Variants in MEGF11 observed in about 807,000 individuals in gnomAD.
The protein encoded by MEGF11 is multiple epidermal growth factor-like domains protein 11.
A neutral mutation model predicts 146.6 loss-of-function variants in MEGF11; 126 were observed. The observed-to-expected ratio is 0.86, with a 90% CI of 0.74 to 1.00. The LOEUF (loss-of-function observed/expected upper bound fraction) is 1.00, where lower values mean the gene tolerates loss of function less well. Ranked by LOEUF, MEGF11 falls within the 50% of genes least tolerant of loss-of-function variation. The pLI is 0.00. For missense variants in MEGF11, 1,509 were observed against 1,521.2 expected, an observed-to-expected ratio of 0.99 and a Z score of 0.13; for synonymous variants, 532 against 583.4, an observed-to-expected ratio of 0.91 and a Z score of 1.27.
intron 1 of MEGF11, among the ~76,000 whole-genome samples, chr15:66,251,420 A>G (rs888968702): frequency 3.9e-5 from 6 of 152,094 alleles, no homozygotes; most frequent in South Asian, 2.1e-4. Context: ...CTCTTTCCCT[A>G]TGGGTTGCAC....
intron 1 of MEGF11, among the ~76,000 whole-genome samples, chr15:66,136,904 A>G (rs2088912807): frequency 6.6e-6 from 1 of 152,186 alleles, no homozygotes; most frequent in Admixed American, 6.5e-5. Flanking sequence ...ATGGTGGTCT[A>G]TGCATGTAGT....
At chr15:65,944,177 T>C (rs2080107609) in intron 10 of MEGF11, among the ~76,000 whole-genome samples, 1 of 151,632 alleles carries the variant, frequency 6.6e-6, no homozygotes, top group Admixed American at 6.6e-5. Context: ...GGGAATAGAG[T>C]AGGCACACAG....
Position 66,128,413 on chromosome 15 carries a change from T to C in MEGF11, c.-8-2A>G. 2 of 1,449,846 alleles carry C rather than the reference T, an allele frequency of 1.4e-6. No homozygotes were observed. The highest frequency in any genetic ancestry group is 2.7e-5 in the East Asian group (1 of 36,472). 89.8% of individuals were successfully genotyped at this position (1,449,846 alleles called of 1,614,324 possible). A position where few individuals can be genotyped will look rare whatever the true frequency, so the allele number is the denominator to read the frequency against. On this transcript the variant is annotated splice_acceptor_variant, in intron 1 of 25. Transcript: ENST00000395614. LOFTEE classifies it low-confidence loss of function (5UTR_SPLICE). ...TCAGGGAGAGCACCATCCCGGGCCC[T>C]GCACAGGAGAACAAAGGAGGCTGCG...
At chr15:65,922,079 A>C (rs1596843110) in intron 15 of MEGF11, 1 of 525,814 alleles carries the variant, frequency 1.9e-6, no homozygotes, top group South Asian at 2.2e-5. Context: ...TGCATGTCGG[A>C]ATCAGAATTT....
At chr15:65,991,173 C>T (rs1397245643) in intron 5 of MEGF11, among the ~76,000 whole-genome samples, 8 of 152,180 alleles carry the variant, frequency 5.3e-5, no homozygotes, top group African/African-American at 1.7e-4. Context: ...ACAGAGGCTG[C>T]GGCTGCATAT....
chr15:66,141,283 T>TGA lies in MEGF11; in HGVS notation c.-8-12873_-8-12872insTC, dbSNP rs1350636670. On this transcript the variant is annotated intron_variant, in intron 1 of 25. Coordinates refer to ENST00000395614, the MANE Select transcript of MEGF11 (RefSeq NM_001385028.1). Reference sequence around the variant, plus strand: ...GTGTGTGTGTGTGTGTGTGTGTGTGTGTGTGTGAGAGAGAGAGAGAGAGAG... The same window carrying TGA: ...GTGTGTGTGTGTGTGTGTGTGTGTGTGAGTGTGTGAGAGAGAGAGAGAGAGAG... 6.9e-3 allele frequency among the ~76,000 whole-genome samples: 625 copies of TGA among 89,988 alleles called. 5 individuals are homozygous for TGA. Among genetic ancestry groups the TGA allele is most frequent in the East Asian group, 0.03 (68 of 2,278 alleles). The allele number at this position is 89,988 out of a possible 152,430, so 59.0% of individuals were successfully genotyped here.
rs1012617169 is a variant in MEGF11, at chr15:66,096,296, G to A, written c.302-1802C>T. Among the ~76,000 whole-genome samples, 54 of 152,234 alleles carry A rather than the reference G, an allele frequency of 3.5e-4. 1 individual carries two copies. Among genetic ancestry groups the A allele is most frequent in the African/African-American group, 1.0e-3 (43 of 41,454 alleles). On this transcript the variant is annotated intron_variant, in intron 4 of 25. Transcript: ENST00000395614. ...GATCCCTGGGGTCTCTGCCGAGGGC[G>A]GTGAAATCAAGCAGTGACTTGCAAC...
At chr15:65,980,150 C>T (rs2081582470) in intron 7 of MEGF11, among the ~76,000 whole-genome samples, 2 of 152,216 alleles carry the variant, frequency 1.3e-5, no homozygotes, top group Admixed American at 6.5e-5. Flanking sequence ...TGGCCCAGGG[C>T]CTGTGGCAGC....
intron 15 of MEGF11, among the ~76,000 whole-genome samples, chr15:65,920,630 AAG>A (rs1185834823): frequency 1.3e-5 from 2 of 152,230 alleles, no homozygotes; most frequent in African/African-American, 4.8e-5. Flanking sequence ...GAGTAAGGCA[AAG>A]AGAGGGGCAG....
At chr15:65,925,847 T>G (rs1221263978) in intron 13 of MEGF11, among the ~76,000 whole-genome samples, 2 of 152,166 alleles carry the variant, frequency 1.3e-5, no homozygotes, top group Non-Finnish European at 2.9e-5. Context: ...CCAGGAAGCC[T>G]TCTTGGATGT....
At chr15:66,061,641 C>CTTTTT (rs68146356) in intron 5 of MEGF11, among the ~76,000 whole-genome samples, 181 of 143,344 alleles carry the variant, frequency 1.3e-3, no homozygotes, top group Middle Eastern at 3.6e-3. Flanking sequence ...TTTTTTGAGC[C>CTTTTT]TTTTTTTTTT....
intron 1 of MEGF11, among the ~76,000 whole-genome samples, chr15:66,153,431 G>T (rs557655822): frequency 3.3e-5 from 5 of 152,048 alleles, no homozygotes; most frequent in Non-Finnish European, 7.4e-5. Context: ...AAATTAGCCG[G>T]GCATGGTGGT....
intron 5 of MEGF11, among the ~76,000 whole-genome samples, chr15:66,060,272 T>A (rs2084849117): frequency 6.6e-6 from 1 of 151,994 alleles, no homozygotes; most frequent in Non-Finnish European, 1.5e-5. Context: ...CCAGAAGTGG[T>A]GGCAGAAGGA....
intron 16 of MEGF11, among the ~76,000 whole-genome samples, chr15:65,917,582 G>A (rs995891978): frequency 2.6e-5 from 4 of 152,126 alleles, no homozygotes; most frequent in African/African-American, 9.7e-5. Flanking sequence ...CACCCAGAGG[G>A]CACTGCACCC....
At chr15:66,060,899 C>T (rs531621278) in intron 5 of MEGF11, among the ~76,000 whole-genome samples, 1 of 152,358 alleles carries the variant, frequency 6.6e-6, no homozygotes, top group East Asian at 1.9e-4. Context: ...GAGGCCTAGC[C>T]TCTGTGGCTT....
intron 5 of MEGF11, among the ~76,000 whole-genome samples, chr15:66,001,882 G>A (rs574060100): frequency 1.8e-4 from 28 of 152,262 alleles, no homozygotes; most frequent in African/African-American, 6.5e-4. Flanking sequence ...GAAAGGAGCA[G>A]AATAAACTCA....
intron 5 of MEGF11, among the ~76,000 whole-genome samples, chr15:66,023,980 G>T (rs2083246372): frequency 6.6e-6 from 1 of 152,180 alleles, no homozygotes; most frequent in Non-Finnish European, 1.5e-5. Context: ...CTAGGGCTGG[G>T]ACCAGGGCAG....
intron 2 of MEGF11, 72 bp downstream of exon 2, chr15:66,128,234 C>T (rs2088469490): frequency 2.0e-6 from 2 of 1,013,740 alleles, no homozygotes; most frequent in Non-Finnish European, 2.7e-6. Flanking sequence ...CTCCTGACTG[C>T]CTCTGTCCCC....
intron 1 of MEGF11, among the ~76,000 whole-genome samples, chr15:66,219,008 A>ACCTTATCT (rs1298985886): frequency 8.5e-5 from 12 of 141,634 alleles, no homozygotes; most frequent in African/African-American, 2.8e-4. Context: ...CTTAACCTAA[A>ACCTTATCT]CCTTATCTAC....
Sources: allele counts gnomAD v4.1 joint callset (sites outside exome capture counted in the v4.1 genomes callset), GRCh38; gene constraint gnomAD v4.1.1; transcripts MANE v1.5; gene names NCBI Gene and HGNC (gene_info 2026-07-23, HGNC 2026-07-21).